ARGLU1: variants seen among roughly 807,000 people sequenced by gnomAD.
ARGLU1 encodes arginine and glutamate-rich protein 1.
Under a neutral mutation model 37.6 loss-of-function variants are expected in ARGLU1, and 9 were observed. The ratio of observed to expected loss-of-function variants is 0.24; its 90% CI spans 0.14 to 0.42. ARGLU1 has a LOEUF of 0.42. ARGLU1 is among the 10% of genes least tolerant of loss of function. The pLI is 1.00. For synonymous variants in ARGLU1, 166 were observed against 138.5 expected, an observed-to-expected ratio of 1.20 and a Z score of -1.39; for missense variants, 211 against 359.2, an observed-to-expected ratio of 0.59 and a Z score of 3.34.
At chr13:106,552,453 A>T (rs370541667) in intron 3 of ARGLU1, among the ~76,000 whole-genome samples, 1 of 152,204 alleles carries the variant, frequency 6.6e-6, no homozygotes, top group African/African-American at 2.4e-5. Context: ...CACCAGATTC[A>T]CTAGCCAGGT....
rs1289603825 is a variant in ARGLU1 at position 106,544,089 on chromosome 13, T to C, written c.729A>G (p.Glu243=). ...GTTCTTCTTTTTGTTGACGTTGTCG[T>C]TCTTGTTCTAGTTTCATCCTTTCCT... is the stretch of plus-strand genomic sequence containing the variant. The part of the protein sequence containing the change: ...IHEERMKLEQ[E]RQRQQKEEQK... The change falls in exon 4 of 4, where the codon GAA becomes GAG. Residue 243 remains glutamate, a synonymous_variant. Transcript: ENST00000400198. 6.2e-7 allele frequency: 1 copy of C among 1,608,796 alleles called. No homozygotes were observed. Among genetic ancestry groups the C allele is most frequent in the Admixed American group, 1.7e-5 (1 of 59,052 alleles).
chr13:106,566,911 T>A (rs1880980028), intron 1 of ARGLU1, among the ~76,000 whole-genome samples: 1 of 150,778 alleles, frequency 6.6e-6, no homozygotes, highest in Admixed American at 6.6e-5. Context: ...AAAAAACTCA[T>A]CGCACTGTAC....
intron 1 of ARGLU1, among the ~76,000 whole-genome samples, chr13:106,563,128 C>T (rs1880861057): frequency 1.3e-5 from 2 of 151,742 alleles, no homozygotes; most frequent in Admixed American, 1.3e-4. Flanking sequence ...TTTAAAACAT[C>T]TTTAAAATGT....
chr13:106,558,410 C>G, intron 2 of ARGLU1: 1 of 985,250 alleles, frequency 1.0e-6, no homozygotes, highest in Non-Finnish European at 1.2e-6. Flanking sequence ...ACAATAATGC[C>G]AAGATGAAAA....
rs1050252046 is a variant in ARGLU1, at chr13:106,542,694, T to C, written c.*1302A>G. ...CTCTACTTGATGACATGTTTATGCA[T>C]CTCAGGTAGCATTTTAGATCAATAT... On this transcript the variant is annotated 3_prime_UTR_variant, in exon 4 of 4. Transcript: ENST00000400198. 2.0e-5 allele frequency: 3 copies of C among 152,106 alleles called. No homozygotes were observed. Among genetic ancestry groups the C allele is most frequent in the Non-Finnish European group, 2.9e-5 (2 of 67,976 alleles). The allele number at this position is 152,106 out of a possible 1,614,324, so 9.4% of individuals were successfully genotyped here. A position where few individuals can be genotyped will look rare whatever the true frequency, so the allele number is the denominator to read the frequency against.
intron 3 of ARGLU1, among the ~76,000 whole-genome samples, chr13:106,556,634 C>T (rs971260410): frequency 6.6e-6 from 1 of 152,096 alleles, no homozygotes; most frequent in African/African-American, 2.4e-5. Context: ...TACTCCGGTG[C>T]ACTTACTATC....
chr13:106,563,007 A>C (rs1364438001), intron 1 of ARGLU1, among the ~76,000 whole-genome samples: 1 of 117,434 alleles, frequency 8.5e-6, no homozygotes, highest in Non-Finnish European at 1.7e-5. Context: ...AAAAAAAAAA[A>C]ACAAAAAAAA....
At position 106,568,023 on chromosome 13, in the gene ARGLU1, G is replaced by A; in HGVS notation, c.-104C>T. 2 of 1,454,164 alleles carry A rather than the reference G, an allele frequency of 1.4e-6. No homozygotes were observed. Among genetic ancestry groups the A allele is most frequent in the East Asian group, 2.6e-5 (1 of 38,170 alleles). The allele number at this position is 1,454,164 out of a possible 1,614,324, so 90.1% of individuals were successfully genotyped here. A position where few individuals can be genotyped will look rare whatever the true frequency, so the allele number is the denominator to read the frequency against. ...GCTGGCGGTTCTACCGAGGCCGGAG[G>A]AAAGAAAGGTGTCGGCCAACGGACT... is the stretch of plus-strand genomic sequence containing the variant. On this transcript the variant is annotated 5_prime_UTR_variant, in exon 1 of 4. Transcript: ENST00000400198.
rs1468471171 is a variant in ARGLU1, at chr13:106,567,528, C to T, written c.347+45G>A. The T allele has an allele frequency of 1.4e-6, 2 of 1,402,264 alleles. No homozygotes were observed. Among genetic ancestry groups the T allele is most frequent in the South Asian group, 2.3e-5 (2 of 86,710 alleles). The allele number at this position is 1,402,264 out of a possible 1,614,324, so 86.9% of individuals were successfully genotyped here. ...CCCGGCCCCACGCCCTCGCCCCGCG[C>T]CCTGCTCTCCGCACGCCCCGGTCCC... On this transcript the variant is annotated intron_variant, in intron 1 of 3. Coordinates refer to ENST00000400198, the MANE Select transcript of ARGLU1 (RefSeq NM_018011.4). This position sits in a 1 kb window ranked among gnomAD's most constrained non-coding sequence, Gnocchi z 4.3.
At chr13:106,563,813 A>AC (rs2138976728) in intron 1 of ARGLU1, among the ~76,000 whole-genome samples, 1 of 152,320 alleles carries the variant, frequency 6.6e-6, no homozygotes, top group Admixed American at 6.5e-5. Context: ...AGAATCACTT[A>AC]TATAGATCCC....
chr13:106,559,685 TA>T, intron 1 of ARGLU1, 28 bp from the exon 2 acceptor site: 1 of 1,592,030 alleles, frequency 6.3e-7, no homozygotes, highest in Non-Finnish European at 8.5e-7. Flanking sequence ...AAAAACAAGT[TA>T]GGTATTTACT....
chr13:106,542,512 TAG>T lies in ARGLU1; in HGVS notation c.*1482_*1483del, dbSNP rs1880287763. ...ATTTTATATTGTTCCTTACCACAAT[TAG>T]ACTCATTGAAGAGCTCAAAACTAAA... On this transcript the variant is annotated 3_prime_UTR_variant, in exon 4 of 4. Transcript: ENST00000400198. 6.6e-6 allele frequency: 1 copy of T among 152,118 alleles called. No individual in the cohort carries two copies. The highest frequency in any genetic ancestry group is 1.5e-5 in the Non-Finnish European group (1 of 67,964). The allele number at this position is 152,118 out of a possible 1,614,324, so 9.4% of individuals were successfully genotyped here. A position where few individuals can be genotyped will look rare whatever the true frequency, so the allele number is the denominator to read the frequency against.
At chr13:106,558,552 G>T (rs1031984986) in intron 2 of ARGLU1, 8 of 985,450 alleles carry the variant, frequency 8.1e-6, no homozygotes, top group Non-Finnish European at 9.6e-6. Context: ...ACTCAGGGCT[G>T]TAAAGTAATT....
At chr13:106,553,192 A>G (rs1880577335) in intron 3 of ARGLU1, among the ~76,000 whole-genome samples, 1 of 152,186 alleles carries the variant, frequency 6.6e-6, no homozygotes, top group South Asian at 2.1e-4. Flanking sequence ...AAGGATAACT[A>G]TTTTTAGCAT....
In ARGLU1 at chr13:106,543,529, ACAATACAC is replaced by A. The variant is rs1166176501; in HGVS notation, c.*459_*466del. ...ACAGTATCACAAGGACACTGGTTTA[ACAATACAC>A]CACATAGGTCCAGTAATACCCTGGG... On this transcript the variant is annotated 3_prime_UTR_variant, in exon 4 of 4. Transcript: ENST00000400198. 6.5e-6 allele frequency: 1 copy of A among 152,940 alleles called. No homozygotes were observed. Among genetic ancestry groups the A allele is most frequent in the East Asian group, 1.9e-4 (1 of 5,198 alleles). 9.5% of individuals were successfully genotyped at this position (152,940 alleles called of 1,614,324 possible).
At chr13:106,552,685 T>A (rs770670447) in intron 3 of ARGLU1, among the ~76,000 whole-genome samples, 1 of 152,182 alleles carries the variant, frequency 6.6e-6, no homozygotes, top group Non-Finnish European at 1.5e-5. Flanking sequence ...CTTCAAAAAA[T>A]TTTAAGCATT....
chr13:106,546,488 C>G (rs546271080), intron 3 of ARGLU1, among the ~76,000 whole-genome samples: 1 of 152,334 alleles, frequency 6.6e-6, no homozygotes, highest in South Asian at 2.1e-4. Context: ...CAAATAGCCA[C>G]TCTCTTCCTT....
chr13:106,566,004 TTC>T (rs1384453424), intron 1 of ARGLU1, among the ~76,000 whole-genome samples: 1 of 152,252 alleles, frequency 6.6e-6, no homozygotes, highest in African/African-American at 2.4e-5. Flanking sequence ...CTCCTTTGTT[TTC>T]ACATGTAGAA....
chr13:106,559,677 A>C lies in ARGLU1; in HGVS notation c.348-20T>G. ...TGTCGACTAGCAAACAAAGTGAAAAAAACAAGTTAGGTATTTACTTTTAAA... is the reference window on the plus strand; with the variant it reads ...TGTCGACTAGCAAACAAAGTGAAAACAACAAGTTAGGTATTTACTTTTAAA... On this transcript the variant is annotated intron_variant, in intron 1 of 3. Coordinates refer to ENST00000400198, the MANE Select transcript of ARGLU1 (RefSeq NM_018011.4). 3.8e-6 allele frequency: 6 copies of C among 1,598,056 alleles called. No individual in the cohort carries two copies. Among genetic ancestry groups the C allele is most frequent in the Non-Finnish European group, 5.1e-6 (6 of 1,173,648 alleles).
Sources: gnomAD v4.1 joint callset for allele counts (sites outside exome capture counted in the v4.1 genomes callset) on GRCh38, gnomAD v4.1.1 for gene constraint, Gnocchi (gnomAD v3.1) non-coding constraint, MANE v1.5 for transcripts, NCBI Gene and HGNC (gene_info 2026-07-23, HGNC 2026-07-21) for gene names.